ARFGEF3: variants seen among roughly 807,000 people sequenced by gnomAD.
The protein encoded by ARFGEF3 is brefeldin A-inhibited guanine nucleotide-exchange protein 3.
Under a neutral mutation model 221.7 loss-of-function variants are expected in ARFGEF3, and 96 were observed. That is an observed-to-expected ratio of 0.43 (90% CI 0.37 to 0.51). ARFGEF3 has a LOEUF of 0.51. ARFGEF3 is among the 20% of genes least tolerant of loss of function. ARFGEF3 has a pLI of 0.00. For synonymous variants in ARFGEF3, 1,145 were observed against 1,126.8 expected (o/e 1.02, Z -0.32); for missense variants, 2,410 against 2,789.9 (o/e 0.86, Z 3.07).
intron 10 of ARFGEF3, among the ~76,000 whole-genome samples, chr6:138,259,719 C>T (rs144935634): frequency 1.2e-3 from 180 of 152,266 alleles, no homozygotes; most frequent in African/African-American, 4.1e-3. Flanking sequence ...CAAGATCAGG[C>T]TGGCCAACAT....
At chr6:138,234,475 CGTGT>C (rs10642229) in intron 5 of ARFGEF3, among the ~76,000 whole-genome samples, 11 of 148,182 alleles carry the variant, frequency 7.4e-5, no homozygotes, top group East Asian at 2.0e-4. Context: ...CAGTTCACCC[CGTGT>C]GTGTGTGTGT....
chr6:138,191,805 C>CT (rs1410727374), intron 2 of ARFGEF3, among the ~76,000 whole-genome samples: 3 of 152,142 alleles, frequency 2.0e-5, no homozygotes, highest in African/African-American at 7.2e-5. Context: ...TCTGTAGGTT[C>CT]TTTTTCCTTT....
intron 4 of ARFGEF3, among the ~76,000 whole-genome samples, chr6:138,223,016 A>G (rs1778009059): frequency 6.6e-6 from 1 of 152,130 alleles, no homozygotes; most frequent in Non-Finnish European, 1.5e-5. Flanking sequence ...ACATTCTGCC[A>G]TTTTGCGAAC....
intron 14 of ARFGEF3, among the ~76,000 whole-genome samples, chr6:138,283,990 G>A (rs1779240910): frequency 6.6e-6 from 1 of 152,124 alleles, no homozygotes; most frequent in South Asian, 2.1e-4. Flanking sequence ...CTTGGGGTGA[G>A]GGTGAAGTCC....
At chr6:138,185,481 T>A (rs1011066229) in intron 2 of ARFGEF3, among the ~76,000 whole-genome samples, 10 of 152,222 alleles carry the variant, frequency 6.6e-5, no homozygotes, top group African/African-American at 1.2e-4. Flanking sequence ...AGCCCCGGCA[T>A]GTGCAGCTGC....
At chr6:138,186,902 C>CTTTTTTTTTTTTTTTTTTTTTTTTT (rs71693484) in intron 2 of ARFGEF3, among the ~76,000 whole-genome samples, 1 of 76,002 alleles carries the variant, frequency 1.3e-5, no homozygotes, top group Non-Finnish European at 2.3e-5. Flanking sequence ...CATCCTTTTT[C>CTTTTTTTTTTTTTTTTTTTTTTTTT]TTTTTTTTTT....
At chr6:138,260,207 T>C (rs1243273355) in intron 10 of ARFGEF3, among the ~76,000 whole-genome samples, 2 of 152,192 alleles carry the variant, frequency 1.3e-5, no homozygotes, top group Admixed American at 6.5e-5. Context: ...AGTGGAAGCT[T>C]CGTTTATGTT....
chr6:138,220,461 C>G (rs1417936917), intron 4 of ARFGEF3, among the ~76,000 whole-genome samples: 1 of 152,022 alleles, frequency 6.6e-6, no homozygotes, highest in Non-Finnish European at 1.5e-5. Context: ...ATTGCCAATA[C>G]AGAATACTTC....
intron 22 of ARFGEF3, among the ~76,000 whole-genome samples, chr6:138,305,941 T>C (rs1779715323): frequency 6.6e-6 from 1 of 152,148 alleles, no homozygotes; most frequent in African/African-American, 2.4e-5. Flanking sequence ...TTGTAATCAG[T>C]AATAAGATGA....
chr6:138,176,996 G>C (rs1425265621), intron 2 of ARFGEF3, among the ~76,000 whole-genome samples: 1 of 151,400 alleles, frequency 6.6e-6, no homozygotes, highest in Admixed American at 6.6e-5. Flanking sequence ...GTCTAATGGG[G>C]TTTTCTTTAT....
intron 12 of ARFGEF3, among the ~76,000 whole-genome samples, chr6:138,276,752 G>A (rs1198434470): frequency 3.3e-5 from 5 of 152,002 alleles, no homozygotes; most frequent in African/African-American, 1.2e-4. Context: ...TACAGCCTCC[G>A]CCTCCCGGGT....
chr6:138,197,694 T>C (rs1328722811), intron 2 of ARFGEF3, among the ~76,000 whole-genome samples: 1 of 152,214 alleles, frequency 6.6e-6, no homozygotes, highest in Non-Finnish European at 1.5e-5. Flanking sequence ...GGCACATGAC[T>C]GTATTTGTCC....
intron 27 of ARFGEF3, among the ~76,000 whole-genome samples, chr6:138,319,373 T>C (rs544958528): frequency 2.0e-5 from 3 of 152,174 alleles, no homozygotes; most frequent in East Asian, 1.9e-4. Flanking sequence ...AAATGTATGA[T>C]TTCAAAGGGT....
At chr6:138,240,961 C>G (rs1043942509) in intron 6 of ARFGEF3, among the ~76,000 whole-genome samples, 14 of 152,118 alleles carry the variant, frequency 9.2e-5, no homozygotes, top group African/African-American at 3.4e-4. Flanking sequence ...TTTTTAAAAT[C>G]TCAGGACCCC....
rs1480798423 is a variant in ARFGEF3, at chr6:138,337,230, G to T, written c.*744G>T. The T allele has an allele frequency of 6.6e-6, 1 of 152,614 alleles. No individual in the cohort carries two copies. The highest frequency in any genetic ancestry group is 2.1e-4 in the South Asian group (1 of 4,830). The allele number at this position is 152,614 out of a possible 1,614,324, so 9.5% of individuals were successfully genotyped here. ...TGACACAGAGTACCCAGTGAAAGTG[G>T]CTGGTACGTAGATTGTCAAGAGACA... On this transcript the variant is annotated 3_prime_UTR_variant, in exon 34 of 34. Coordinates refer to ENST00000251691, the MANE Select transcript of ARFGEF3 (RefSeq NM_020340.5).
At chr6:138,297,177 CTCTT>C (rs1269217128) in intron 21 of ARFGEF3, among the ~76,000 whole-genome samples, 1 of 152,218 alleles carries the variant, frequency 6.6e-6, no homozygotes, top group Non-Finnish European at 1.5e-5. Flanking sequence ...CACTCTGACC[CTCTT>C]TCTTTGCAAT....
At position 138,335,133 on chromosome 6, in the gene ARFGEF3, G is replaced by A. The variant is rs1369343205; in HGVS notation, c.6287G>A (p.Gly2096Asp). 6.3e-7 allele frequency: 1 copy of A among 1,592,174 alleles called. No individual in the cohort carries two copies. Among genetic ancestry groups the A allele is most frequent in the Non-Finnish European group, 8.5e-7 (1 of 1,172,206 alleles). ...LLRQDKRPRS[G>D]STGSSLSVSV... ...CGACAGGACAAGAGGCCCCGCTCAG[G>A]CTCCACCGGGAGCTCCCTCAGTGTC... is the stretch of plus-strand genomic sequence containing the variant. Residue 2096 changes from glycine to aspartate, a missense_variant, in exon 33 of 34, where the codon GGC becomes GAC. Transcript: ENST00000251691.
chr6:138,215,030 G>A (rs998290253), intron 4 of ARFGEF3, among the ~76,000 whole-genome samples: 2 of 152,222 alleles, frequency 1.3e-5, no homozygotes, highest in Non-Finnish European at 2.9e-5. Context: ...TGGATTAGTA[G>A]ACTATTGAAT....
intron 4 of ARFGEF3, among the ~76,000 whole-genome samples, chr6:138,220,799 A>G (rs924673517): frequency 4.6e-5 from 7 of 152,184 alleles, no homozygotes; most frequent in South Asian, 4.1e-4. Flanking sequence ...TAACTGACCA[A>G]TCCAGTTTGT....
Sources: gnomAD v4.1 joint callset for allele counts (sites outside exome capture counted in the v4.1 genomes callset) on GRCh38, gnomAD v4.1.1 for gene constraint, MANE v1.5 for transcripts, NCBI Gene and HGNC (gene_info 2026-07-23, HGNC 2026-07-21) for gene names.